Variants in ISX observed in about 807,000 individuals in gnomAD.
The protein encoded by ISX is intestine-specific homeobox.
A neutral mutation model predicts 16.9 loss-of-function variants in ISX; 15 were observed. That is an observed-to-expected ratio of 0.89 (90% confidence interval 0.59 to 1.36). ISX has a LOEUF of 1.36. Among genes scored for constraint, ISX ranks in the 40% most tolerant of loss-of-function variants. The pLI is 0.00. For synonymous variants in ISX, 125 were observed against 119.7 expected, an observed-to-expected ratio of 1.04 and a Z score of -0.29; for missense variants, 316 against 306.1, an observed-to-expected ratio of 1.03 and a Z score of -0.24.
At chr22:35,084,962 GTGCTCCCT>G (rs1166007022) in intron 4 of ISX, among the ~76,000 whole-genome samples, 1 of 152,108 alleles carries the variant, frequency 6.6e-6, no homozygotes, top group Non-Finnish European at 1.5e-5. Flanking sequence ...CACCTAGGAA[GTGCTCCCT>G]AAGTATTTAG....
chr22:35,075,653 T>A (rs1001219252), intron 2 of ISX, among the ~76,000 whole-genome samples: 4 of 152,158 alleles, frequency 2.6e-5, no homozygotes, highest in Non-Finnish European at 4.4e-5. Flanking sequence ...AGTGTGGGTA[T>A]GTGTGGGTGT....
rs752002753 is a variant in ISX at position 35,067,158 on chromosome 22, C to T, written c.71C>T (p.Pro24Leu). ...ERNSLGCCEA[P>L]KKLSLSFSIE... ...AATAGCTTGGGGTGCTGTGAGGCCC[C>T]GAAGAAGCTGAGCCTGTCCTTCTCC... Residue 24 changes from proline (P) to leucine (L), a missense_variant, in exon 2 of 5, where the codon CCG becomes CTG. Pro to Leu is a moderately conservative substitution (Grantham distance 98, BLOSUM62 -3). Coordinates refer to ENST00000404699, the MANE Select transcript of ISX (RefSeq NM_001303508.2). 23 of 1,613,454 alleles carry T rather than the reference C, an allele frequency of 1.4e-5. No homozygotes were observed. Among genetic ancestry groups the T allele is most frequent in the Middle Eastern group, 1.6e-4 (1 of 6,078 alleles).
At chr22:35,078,638 A>T (rs1468258668) in intron 2 of ISX, among the ~76,000 whole-genome samples, 1 of 121,460 alleles carries the variant, frequency 8.2e-6, no homozygotes, top group East Asian at 2.0e-4. Context: ...AGCTTCCAAA[A>T]ATCCACAATA....
intron 2 of ISX, among the ~76,000 whole-genome samples, chr22:35,077,022 G>A (rs2146291696): frequency 6.6e-6 from 1 of 152,286 alleles, no homozygotes; most frequent in East Asian, 1.9e-4. Context: ...CTGGTAGGGA[G>A]ATGCTGGGCT....
rs916379281 is a variant in ISX, at chr22:35,066,194, A to C, written c.-605A>C. 3.3e-5 allele frequency: 5 copies of C among 152,288 alleles called. No individual in the cohort carries two copies. The highest frequency in any genetic ancestry group is 1.2e-4 in the African/African-American group (5 of 41,440). 9.4% of individuals were successfully genotyped at this position (152,288 alleles called of 1,614,324 possible). A position where few individuals can be genotyped will look rare whatever the true frequency, so the allele number is the denominator to read the frequency against. ...AAGGGCCTCTTCAGTCTGTCTCAGG[A>C]GACTGGGAGAAACAGCATAAAGGAC... is the stretch of plus-strand genomic sequence containing the variant. On this transcript the variant is annotated 5_prime_UTR_variant, in exon 1 of 5. Transcript: ENST00000404699.
chr22:35,066,993 G>A lies in ISX; in HGVS notation c.-95G>A, dbSNP rs537154207. On this transcript the variant is annotated 5_prime_UTR_variant, in exon 2 of 5. Transcript: ENST00000404699. ...GAGGCTCTCTGTTCTTCACCTCCAC[G>A]CGCCCTCTTGACCCCAGGAGGTTCA... 2.8e-3 allele frequency: 2,288 copies of A among 828,650 alleles called. 9 individuals carry two copies. The highest frequency in any genetic ancestry group is 6.5e-3 in the South Asian group (377 of 58,378). 51.3% of individuals were successfully genotyped at this position (828,650 alleles called of 1,614,324 possible). A position where few individuals can be genotyped will look rare whatever the true frequency, so the allele number is the denominator to read the frequency against.
intron 2 of ISX, among the ~76,000 whole-genome samples, chr22:35,071,777 G>A (rs1227553140): frequency 6.6e-6 from 1 of 152,186 alleles, no homozygotes; most frequent in Non-Finnish European, 1.5e-5. Context: ...GAAAGGGAGA[G>A]GTACCCTGGG....
intron 2 of ISX, among the ~76,000 whole-genome samples, chr22:35,076,519 A>G (rs1186425126): frequency 2.0e-5 from 3 of 152,152 alleles, no homozygotes; most frequent in African/African-American, 7.2e-5. Flanking sequence ...TTCGTGTGTC[A>G]GGAGGTGTCC....
At chr22:35,068,784 A>G (rs934333346) in intron 2 of ISX, among the ~76,000 whole-genome samples, 1 of 152,226 alleles carries the variant, frequency 6.6e-6, no homozygotes, top group Non-Finnish European at 1.5e-5. Flanking sequence ...AGCGGTGGTG[A>G]CATCGGATGG....
intron 2 of ISX, among the ~76,000 whole-genome samples, chr22:35,081,978 A>T (rs1045570736): frequency 6.6e-6 from 1 of 152,224 alleles, no homozygotes; most frequent in Non-Finnish European, 1.5e-5. Context: ...AACAGCTTTG[A>T]CTGCTATCGA....
Position 35,066,874 on chromosome 22 carries a change from G to A in ISX, c.-214G>A, listed in dbSNP as rs563337377. The A allele has an allele frequency of 3.0e-4, 168 of 552,584 alleles. No homozygotes were observed. Among genetic ancestry groups the A allele is most frequent in the African/African-American group, 2.8e-3 (148 of 53,198 alleles). 34.2% of individuals were successfully genotyped at this position (552,584 alleles called of 1,614,324 possible). On this transcript the variant is annotated 5_prime_UTR_variant, in exon 2 of 5. The change creates a new upstream start codon in the 5' untranslated region. Transcript: ENST00000404699. ...ATGTCAAACTGGTAAGGGCTGAGCCGTGGGCACAGGATACCACTCCTTCCA... is the reference window on the plus strand; with the variant it reads ...ATGTCAAACTGGTAAGGGCTGAGCCATGGGCACAGGATACCACTCCTTCCA...
intron 2 of ISX, among the ~76,000 whole-genome samples, chr22:35,081,603 T>C (rs904710671): frequency 1.3e-5 from 2 of 152,100 alleles, no homozygotes; most frequent in African/African-American, 4.8e-5. Context: ...GCTCCCTCCA[T>C]CTTGGTGGGG....
At chr22:35,079,240 CT>C (rs753415881) in intron 2 of ISX, among the ~76,000 whole-genome samples, 10 of 152,202 alleles carry the variant, frequency 6.6e-5, no homozygotes, top group Non-Finnish European at 1.2e-4. Flanking sequence ...AGAAAGTGGG[CT>C]GAGTGGGAGT....
At chr22:35,072,501 G>C (rs150576836) in intron 2 of ISX, among the ~76,000 whole-genome samples, 95 of 152,258 alleles carry the variant, frequency 6.2e-4, no homozygotes, top group Middle Eastern at 6.8e-3. Flanking sequence ...CCAAAGATTT[G>C]ATCCCTAAAG....
At position 35,084,481 on chromosome 22, in the gene ISX, C is replaced by T; in HGVS notation, c.480C>T (p.Pro160=). ...TGAGTGAAGCCAGTGTGGCCCTGCC[C>T]ACAAATCTGGATGTGGCTGTAAGTG... The part of the protein sequence containing the change: ...QQLSEASVAL[P]TNLDVAGPTW... Residue 160 remains proline (P), a synonymous_variant, in exon 4 of 5, where the codon CCC becomes CCT. Coordinates refer to ENST00000404699, the MANE Select transcript of ISX (RefSeq NM_001303508.2). 6.2e-7 allele frequency: 1 copy of T among 1,611,678 alleles called. No individual in the cohort carries two copies.
At chr22:35,078,694 A>C (rs916309824) in intron 2 of ISX, among the ~76,000 whole-genome samples, 1 of 152,346 alleles carries the variant, frequency 6.6e-6, no homozygotes, top group South Asian at 2.1e-4. Context: ...TAACAACAAA[A>C]ATGAGGGCTA....
In ISX at chr22:35,069,732, G is replaced by A. The variant is rs561123176; in HGVS notation, c.229+2416G>A. On this transcript the variant is annotated intron_variant, in intron 2 of 4. Coordinates refer to ENST00000404699, the MANE Select transcript of ISX (RefSeq NM_001303508.2). ...ATGCTTCTCTACTTCCCTGTTTTAC[G>A]TCCCTCCTTTTGTGCAGGACCCCTC... Among the ~76,000 whole-genome samples, 23 of 152,184 alleles carry A rather than the reference G, an allele frequency of 1.5e-4. No homozygotes were observed. In the South Asian group the frequency reaches 4.4e-3, roughly 29 times the overall value.
chr22:35,074,128 T>C (rs982716213), intron 2 of ISX, among the ~76,000 whole-genome samples: 2 of 152,328 alleles, frequency 1.3e-5, no homozygotes, highest in South Asian at 4.1e-4. Flanking sequence ...GCTCACCTCT[T>C]CCTTGCTGCT....
At chr22:35,084,603 A>G (rs1929203651) in intron 4 of ISX, 104 bp downstream of exon 4, 1 of 670,692 alleles carries the variant, frequency 1.5e-6, no homozygotes, top group Non-Finnish European at 2.5e-6. Context: ...TGTCTACAGG[A>G]AAAAGTGCAA....
Sources: allele counts gnomAD v4.1 joint callset (sites outside exome capture counted in the v4.1 genomes callset), GRCh38; gene constraint gnomAD v4.1.1; transcripts MANE v1.5; gene names NCBI Gene and HGNC (gene_info 2026-07-23, HGNC 2026-07-21).